Variants in MTCL2 observed in about 807,000 individuals in gnomAD.
The protein encoded by MTCL2 is microtubule cross-linking factor 2.
At chr20:36,785,091 G>C in the MTCL2 span, 1 of 985,470 alleles carries the variant, frequency 1.0e-6, no homozygotes, top group Non-Finnish European at 1.2e-6. Context: ...AGTATTTATA[G>C]ACTGACCGCT....
the MTCL2 span, among the ~76,000 whole-genome samples, chr20:36,807,865 CTTTTTTTTTTTTT>C: frequency 9.3e-5 from 5 of 53,510 alleles, no homozygotes; most frequent in Admixed American, 2.5e-4. Context: ...GAAACCCTGT[CTTTTTTTTTTTTT>C]TTTTTTTTTT....
At chr20:36,806,415 C>T in the MTCL2 span, among the ~76,000 whole-genome samples, 3 of 152,146 alleles carry the variant, frequency 2.0e-5, no homozygotes, top group Non-Finnish European at 4.4e-5. Flanking sequence ...GGATTACAGG[C>T]GCGAGCCACC....
At chr20:36,821,808 A>G in the MTCL2 span, among the ~76,000 whole-genome samples, 2 of 152,204 alleles carry the variant, frequency 1.3e-5, 1 homozygote, top group South Asian at 4.1e-4. Flanking sequence ...GCACCTCCCC[A>G]TCCACACAGA....
the MTCL2 span, chr20:36,808,581 G>A: frequency 6.2e-7 from 1 of 1,611,426 alleles, no homozygotes; most frequent in Non-Finnish European, 8.5e-7. Flanking sequence ...AACCACCTGA[G>A]CTTCATGAAG....
chr20:36,785,265 G>C, the MTCL2 span: 1 of 985,404 alleles, frequency 1.0e-6, no homozygotes, highest in Non-Finnish European at 1.2e-6. Flanking sequence ...CCACCCAGGG[G>C]ACCCCATGCC....
At chr20:36,851,814 G>A in the MTCL2 span, among the ~76,000 whole-genome samples, 1 of 152,164 alleles carries the variant, frequency 6.6e-6, no homozygotes, top group African/African-American at 2.4e-5. Flanking sequence ...GGGACACACA[G>A]AACAGCTCAA....
the MTCL2 span, among the ~76,000 whole-genome samples, chr20:36,791,023 TTAA>T: frequency 6.6e-6 from 1 of 152,096 alleles, no homozygotes; most frequent in Non-Finnish European, 1.5e-5. Context: ...TCAAATAACT[TTAA>T]AACATTTATA....
chr20:36,859,534 G>T, the MTCL2 span: 1 of 1,153,150 alleles, frequency 8.7e-7, no homozygotes, highest in Non-Finnish European at 1.1e-6. Flanking sequence ...AGGTCATCCC[G>T]CCTCTCTCTG....
chr20:36,797,215 G>A, the MTCL2 span, among the ~76,000 whole-genome samples: 2 of 152,280 alleles, frequency 1.3e-5, no homozygotes, highest in African/African-American at 4.8e-5. Context: ...CAAATGTGGT[G>A]ACTGCAACAA....
At chr20:36,827,769 G>A in the MTCL2 span, among the ~76,000 whole-genome samples, 1 of 152,150 alleles carries the variant, frequency 6.6e-6, no homozygotes, top group Admixed American at 6.5e-5. Context: ...TTCCTCCTGA[G>A]CCTCAGTTTC....
At chr20:36,794,135 C>T in the MTCL2 span, 1 of 1,551,458 alleles carries the variant, frequency 6.4e-7, no homozygotes, top group South Asian at 1.2e-5. This position sits in a 1 kb window ranked among gnomAD's most constrained non-coding sequence, Gnocchi z 5.4. Flanking sequence ...GCCCGCTGAG[C>T]CTCCGTCCAG....
the MTCL2 span, among the ~76,000 whole-genome samples, chr20:36,847,091 A>G: frequency 0.015 from 2,345 of 152,322 alleles, 32 homozygotes; most frequent in Non-Finnish European, 0.025. Context: ...TTATCAGTTG[A>G]CAGTTTAATC....
At chr20:36,786,194 G>C in the MTCL2 span, 3 of 1,063,600 alleles carry the variant, frequency 2.8e-6, no homozygotes, top group Non-Finnish European at 3.4e-6. Context: ...TTAGGACCCA[G>C]GGATCGGCTC....
At chr20:36,805,100 C>T in the MTCL2 span, among the ~76,000 whole-genome samples, 5 of 152,142 alleles carry the variant, frequency 3.3e-5, no homozygotes, top group African/African-American at 9.7e-5. Flanking sequence ...TGACATGAGG[C>T]CCAAATCTGA....
the MTCL2 span, chr20:36,812,607 C>A: frequency 1.3e-6 from 2 of 1,492,344 alleles, no homozygotes; most frequent in South Asian, 1.3e-5. Context: ...AAACCCATAT[C>A]CTCACCAGCT....
At chr20:36,862,909 A>G in the MTCL2 span, 2 of 1,269,248 alleles carry the variant, frequency 1.6e-6, no homozygotes, top group Non-Finnish European at 2.0e-6. Flanking sequence ...CCGGCCGCGG[A>G]CTCGGCGTCG....
At chr20:36,784,023 A>G in the MTCL2 span, 6 of 985,510 alleles carry the variant, frequency 6.1e-6, no homozygotes, top group Non-Finnish European at 7.2e-6. Flanking sequence ...GACAACAAAG[A>G]TGGCAAGGAC....
At chr20:36,856,468 T>A in the MTCL2 span, among the ~76,000 whole-genome samples, 362 of 152,350 alleles carry the variant, frequency 2.4e-3, 3 homozygotes, top group Non-Finnish European at 3.4e-3. Context: ...CAGCAGGAAA[T>A]TCCAAGGAGA....
the MTCL2 span, among the ~76,000 whole-genome samples, chr20:36,853,108 T>C: frequency 2.7e-5 from 4 of 149,894 alleles, no homozygotes; most frequent in African/African-American, 7.3e-5. Context: ...ACACGCAGCC[T>C]GGCATCACCG....
Sources: gnomAD v4.1 joint callset for allele counts (sites outside exome capture counted in the v4.1 genomes callset) on GRCh38, gnomAD v4.1.1 for gene constraint, Gnocchi (gnomAD v3.1) non-coding constraint, MANE v1.5 for transcripts, NCBI Gene and HGNC (gene_info 2026-07-23, HGNC 2026-07-21) for gene names.